Variants in PCDHA3 observed in about 807,000 individuals in gnomAD.
PCDHA3 encodes the protein protocadherin alpha-3.
Under a neutral mutation model 62.2 loss-of-function variants are expected in PCDHA3, and 41 were observed. The ratio of observed to expected loss-of-function variants is 0.66; its 90% CI spans 0.51 to 0.86. The LOEUF (loss-of-function observed/expected upper bound fraction) is 0.86, where lower values mean the gene tolerates loss of function less well. Ranked by LOEUF, PCDHA3 falls within the 40% of genes least tolerant of loss-of-function variation. PCDHA3 has a pLI of 0.00. For missense variants in PCDHA3, 1,304 were observed against 1,241.2 expected (o/e 1.05, Z -0.76); for synonymous variants, 640 against 555.4 (o/e 1.15, Z -2.14).
chr5:140,909,255 C>G (rs1583695279), intron 1 of PCDHA3, among the ~76,000 whole-genome samples: 1 of 152,210 alleles, frequency 6.6e-6, no homozygotes, highest in African/African-American at 2.4e-5. Context: ...GCTGGCCTTG[C>G]TGACTGAAGG....
intron 1 of PCDHA3, among the ~76,000 whole-genome samples, chr5:140,889,581 T>C (rs566040851): frequency 3.0e-4 from 45 of 152,324 alleles, no homozygotes; most frequent in Non-Finnish European, 4.3e-4. Flanking sequence ...ATTTTTGTTT[T>C]TGCTTTGAAA....
chr5:140,927,634 A>G, intron 1 of PCDHA3: 1 of 1,614,184 alleles, frequency 6.2e-7, no homozygotes, highest in Non-Finnish European at 8.5e-7. Context: ...GACTGCACCC[A>G]ATGGGACTGT....
chr5:140,923,062 A>G (rs548165193), intron 1 of PCDHA3, among the ~76,000 whole-genome samples: 1 of 152,372 alleles, frequency 6.6e-6, no homozygotes, highest in African/African-American at 2.4e-5. Context: ...TAAAAGAGCT[A>G]GGTCTCCTCA....
intron 1 of PCDHA3, among the ~76,000 whole-genome samples, chr5:140,948,620 T>TTAA (rs1422284059): frequency 6.6e-6 from 1 of 151,716 alleles, no homozygotes; most frequent in African/African-American, 2.4e-5. Context: ...CACAAAGTTG[T>TTAA]TAATAATATT....
rs968965849 is a variant in PCDHA3, at chr5:140,805,251, A to G, written c.2394+1660A>G. 2.9e-5 allele frequency: 38 copies of G among 1,306,518 alleles called. No individual in the cohort carries two copies. The South Asian group carries it at 9.0e-4, about 31-fold the overall frequency. 80.9% of individuals were successfully genotyped at this position (1,306,518 alleles called of 1,614,324 possible). On this transcript the variant is annotated intron_variant, in intron 1 of 3. Transcript: ENST00000522353. Reference sequence around the variant, plus strand: ...GCTGCATTCCCCATCTGTACATTAAAATACCTGGTAAATGAAAATATTACA... The same window carrying G: ...GCTGCATTCCCCATCTGTACATTAAGATACCTGGTAAATGAAAATATTACA...
chr5:140,805,034 G>T, intron 1 of PCDHA3: 1 of 1,583,680 alleles, frequency 6.3e-7, no homozygotes, highest in Non-Finnish European at 8.5e-7. Context: ...ATATAATAGA[G>T]TCAGCCAAAG....
Position 141,011,113 on chromosome 5 carries a change from GAAAC to G in PCDHA3, c.*1179_*1182del, listed in dbSNP as rs1378492452. 6.5e-6 allele frequency: 1 copy of G among 153,504 alleles called. No homozygotes were observed. The highest frequency in any genetic ancestry group is 2.4e-5 in the African/African-American group (1 of 41,342). 9.5% of individuals were successfully genotyped at this position (153,504 alleles called of 1,614,324 possible). A position where few individuals can be genotyped will look rare whatever the true frequency, so the allele number is the denominator to read the frequency against. ...TTCTCTCTCTCTCTCTCTTTTCTAA[GAAAC>G]AATTATGTGCACTTTGATACACAAC... On this transcript the variant is annotated 3_prime_UTR_variant, in exon 4 of 4. Coordinates refer to ENST00000522353, the MANE Select transcript of PCDHA3 (RefSeq NM_018906.3).
Position 141,009,722 on chromosome 5 carries a change from G to T in PCDHA3, c.2638G>T (p.Gly880Cys), listed in dbSNP as rs552954748. 6.8e-6 allele frequency: 11 copies of T among 1,614,022 alleles called. No individual in the cohort carries two copies. The highest frequency in any genetic ancestry group is 9.3e-6 in the Non-Finnish European group (11 of 1,180,046). Residue 880 changes from glycine (G) to cysteine (C), a missense_variant, in exon 4 of 4, where the codon GGT becomes TGT. Gly to Cys is a radical substitution (Grantham distance 159). Transcript: ENST00000522353. ...CGGACCAGGCAACCCCAAACAATCC[G>T]GTCCCGGTGAGTTGCCCGACAAATT... ...KYGPGNPKQS[G>C]PGELPDKFII...
Position 140,966,881 on chromosome 5 carries a change from C to T in PCDHA3, c.2395-12068C>T, listed in dbSNP as rs2096065304. 4.4e-6 allele frequency: 7 copies of T among 1,588,952 alleles called. No individual in the cohort carries two copies. In the South Asian group the frequency reaches 6.7e-5, roughly 15 times the overall value. ...GCTGTTGCTGCTGCTGCTACCTGGC[C>T]CTGCGGCCTCCCAGCTGCGATACTC... On this transcript the variant is annotated intron_variant, in intron 1 of 3. Coordinates refer to ENST00000522353, the MANE Select transcript of PCDHA3 (RefSeq NM_018906.3).
chr5:140,863,282 A>G (rs782183211), intron 1 of PCDHA3: 1 of 1,461,396 alleles, frequency 6.8e-7, no homozygotes, highest in Non-Finnish European at 9.3e-7. Flanking sequence ...GTGGATGTCA[A>G]CGTGTACCTG....
chr5:140,841,770 C>A lies in PCDHA3; in HGVS notation c.2394+38179C>A, dbSNP rs148555729. 329 of 1,613,798 alleles carry A rather than the reference C, an allele frequency of 2.0e-4. 2 individuals carry two copies. The highest frequency in any genetic ancestry group is 3.6e-5 in the Non-Finnish European group (43 of 1,179,882). ...GTTTCAGAATCCAGAATGCCAGACT[C>A]TCGGTTTCCGCTAGAGGGCGCGTCC... On this transcript the variant is annotated intron_variant, in intron 1 of 3. Transcript: ENST00000522353.
chr5:140,927,486 C>T (rs782314357), intron 1 of PCDHA3: 11 of 1,614,010 alleles, frequency 6.8e-6, no homozygotes, highest in Non-Finnish European at 8.5e-6. Flanking sequence ...AGCGCGCCAC[C>T]CACCTGCTGG....
chr5:140,912,007 C>A lies in PCDHA3; in HGVS notation c.2395-66942C>A, dbSNP rs572487277. Among the ~76,000 whole-genome samples, 3 of 152,282 alleles carry A rather than the reference C, an allele frequency of 2.0e-5. No homozygotes were observed. The East Asian group carries it at 5.8e-4, about 29-fold the overall frequency. On this transcript the variant is annotated intron_variant, in intron 1 of 3. Coordinates refer to ENST00000522353, the MANE Select transcript of PCDHA3 (RefSeq NM_018906.3). ...ACAAGGTCCCACAATAGGCCATCTGCAAGCTGAGGAGCAAGCAAGCCAATC... is the reference window on the plus strand; with the variant it reads ...ACAAGGTCCCACAATAGGCCATCTGAAAGCTGAGGAGCAAGCAAGCCAATC...
At chr5:140,962,759 G>A (rs1554226222) in intron 1 of PCDHA3, among the ~76,000 whole-genome samples, 1 of 152,114 alleles carries the variant, frequency 6.6e-6, no homozygotes, top group Admixed American at 6.5e-5. Flanking sequence ...AATCCTATTC[G>A]TTTTTAACAA....
At chr5:140,993,466 A>T (rs1374096077) in intron 3 of PCDHA3, among the ~76,000 whole-genome samples, 2 of 45,548 alleles carry the variant, frequency 4.4e-5, no homozygotes, top group African/African-American at 1.2e-4. Flanking sequence ...TCTTTCTCAC[A>T]CACACACACA....
intron 1 of PCDHA3, among the ~76,000 whole-genome samples, chr5:140,906,048 C>A (rs1482228569): frequency 1.3e-5 from 2 of 152,170 alleles, no homozygotes; most frequent in South Asian, 2.1e-4. Context: ...TTTATTCTGG[C>A]TGCACTGGCA....
At chr5:140,970,466 A>G (rs549761303) in intron 1 of PCDHA3, among the ~76,000 whole-genome samples, 51 of 152,334 alleles carry the variant, frequency 3.3e-4, no homozygotes, top group Non-Finnish European at 4.4e-4. Context: ...TTAAGTAGGT[A>G]TAAGGCCAGC....
At chr5:140,910,013 C>T (rs185824848) in intron 1 of PCDHA3, among the ~76,000 whole-genome samples, 4 of 152,256 alleles carry the variant, frequency 2.6e-5, no homozygotes, top group Non-Finnish European at 1.5e-5. Context: ...CAGTGTCATC[C>T]TTGTATCCCT....
At chr5:140,842,698 G>A (rs782455331) in intron 1 of PCDHA3, 1 of 1,595,366 alleles carries the variant, frequency 6.3e-7, no homozygotes, top group South Asian at 1.1e-5. Flanking sequence ...CGCAGCCCGA[G>A]TACACGGTGT....
Sources: gnomAD v4.1 joint callset for allele counts (sites outside exome capture counted in the v4.1 genomes callset) on GRCh38, gnomAD v4.1.1 for gene constraint, MANE v1.5 for transcripts, NCBI Gene and HGNC (gene_info 2026-07-23, HGNC 2026-07-21) for gene names.